IRAG2: variants seen among roughly 807,000 people sequenced by gnomAD.
IRAG2 encodes the protein inositol 1,4,5-triphosphate receptor associated 2, also known as lymphoid restricted membrane protein.
In IRAG2, 45 loss-of-function variants were observed where a neutral mutation model predicts 69.9. The ratio of observed to expected loss-of-function variants is 0.64; its 90% CI spans 0.51 to 0.83. The LOEUF (loss-of-function observed/expected upper bound fraction) is 0.83. Among genes scored for constraint, IRAG2 ranks in the 40% least tolerant of loss-of-function variants. IRAG2 has a pLI of 0.00. For missense variants in IRAG2, 520 were observed against 587.0 expected, an observed-to-expected ratio of 0.89 and a Z score of 1.18; for synonymous variants, 193 against 202.4, an observed-to-expected ratio of 0.95 and a Z score of 0.40.
chr12:25,050,226 G>A (rs1235334100), upstream of IRAG2, among the ~76,000 whole-genome samples: 2 of 151,732 alleles, frequency 1.3e-5, no homozygotes, highest in African/African-American at 2.4e-5. Flanking sequence ...AGTGGTGCAG[G>A]CACTATAGAA....
chr12:25,102,846 G>T (rs1474875650), intron 17 of IRAG2: 3 of 152,220 alleles, frequency 2.0e-5, no homozygotes, highest in African/African-American at 7.2e-5. Flanking sequence ...ATGTGATACT[G>T]AAGGTCAACT....
intron 10 of IRAG2, among the ~76,000 whole-genome samples, chr12:25,087,666 CCAGT>C (rs1947724804): frequency 1.3e-5 from 2 of 152,172 alleles, no homozygotes; most frequent in Admixed American, 1.3e-4. Context: ...GCAGGGGTCC[CCAGT>C]CGCTGCTGAG....
At chr12:25,106,344 CATACAT>C (rs1347078125) in intron 20 of IRAG2, among the ~76,000 whole-genome samples, 3 of 96,554 alleles carry the variant, frequency 3.1e-5, no homozygotes, top group Non-Finnish European at 2.5e-5. Flanking sequence ...ACAACATATA[CATACAT>C]ATTTTTATAT....
At chr12:25,085,342 T>G (rs758421383) in intron 10 of IRAG2, among the ~76,000 whole-genome samples, 117 of 116,364 alleles carry the variant, frequency 1.0e-3, no homozygotes, top group African/African-American at 1.4e-3. Context: ...AGTGGGAAGG[T>G]GGTATGGAAT....
At chr12:25,099,559 T>C (rs117725136) in intron 15 of IRAG2, among the ~76,000 whole-genome samples, 1 of 152,292 alleles carries the variant, frequency 6.6e-6, no homozygotes, top group East Asian at 1.9e-4. Context: ...CCTGCTTCCA[T>C]CCAATTCCAA....
chr12:25,015,370 A>T (rs553078545), exon 5 of IRAG2: 3 of 1,232,016 alleles, frequency 2.4e-6, no homozygotes, highest in East Asian at 6.3e-5. Flanking sequence ...CACAGATATA[A>T]CAGATTCTAC....
intron 1 of IRAG2, among the ~76,000 whole-genome samples, chr12:25,054,267 T>C (rs760950369): frequency 6.6e-6 from 1 of 152,180 alleles, no homozygotes; most frequent in Non-Finnish European, 1.5e-5. Flanking sequence ...TGGAGAAGGT[T>C]CCCTTGTGAT....
At chr12:25,036,349 G>T (rs976620975) in intron 14 of IRAG2, among the ~76,000 whole-genome samples, 1 of 152,158 alleles carries the variant, frequency 6.6e-6, no homozygotes, top group Non-Finnish European at 1.5e-5. Flanking sequence ...GATGGGGTTT[G>T]TTCTGGAAAA....
intron 2 of IRAG2, among the ~76,000 whole-genome samples, chr12:25,006,988 T>C (rs749126802): frequency 3.4e-4 from 52 of 152,236 alleles, no homozygotes; most frequent in Admixed American, 2.1e-3. Flanking sequence ...CCTGTTTCCC[T>C]GAGTAACCAT....
upstream of IRAG2, chr12:25,052,551 T>C (rs2139882491): frequency 2.5e-6 from 1 of 397,158 alleles, no homozygotes; most frequent in Non-Finnish European, 4.4e-6. Context: ...AACAGCCTGC[T>C]GATGAAAGAG....
chr12:25,045,075 G>A (rs753172979), intron 16 of IRAG2, among the ~76,000 whole-genome samples: 1 of 152,022 alleles, frequency 6.6e-6, no homozygotes, highest in Admixed American at 6.5e-5. Flanking sequence ...CTACCATAAT[G>A]GAATAAAACT....
upstream of IRAG2, among the ~76,000 whole-genome samples, chr12:25,048,917 C>T (rs992236548): frequency 3.6e-4 from 55 of 152,128 alleles, no homozygotes; most frequent in African/African-American, 1.2e-3. Flanking sequence ...AGTCTTTAAT[C>T]TATATTGAGT....
upstream of IRAG2, among the ~76,000 whole-genome samples, chr12:24,999,525 A>C (rs1406705613): frequency 6.6e-6 from 1 of 152,256 alleles, no homozygotes; most frequent in Non-Finnish European, 1.5e-5. Flanking sequence ...TAGCAACATA[A>C]GCAGTATCGA....
intron 14 of IRAG2, chr12:25,091,169 C>G (rs1948030989): frequency 5.8e-6 from 1 of 171,754 alleles, no homozygotes; most frequent in Admixed American, 6.3e-5. Flanking sequence ...AATTTATCAT[C>G]TTGAACATCT....
chr12:25,002,414 T>G (rs904449931), upstream of IRAG2, among the ~76,000 whole-genome samples: 1 of 152,168 alleles, frequency 6.6e-6, no homozygotes, highest in African/African-American at 2.4e-5. Context: ...ATCATAGTTT[T>G]GAGTACAAGA....
intron 7 of IRAG2, among the ~76,000 whole-genome samples, chr12:25,021,828 A>G (rs181819333): frequency 6.6e-6 from 1 of 152,328 alleles, no homozygotes; most frequent in Non-Finnish European, 1.5e-5. Context: ...CAAACAAAAT[A>G]ACTTTGTTTA....
Position 25,089,663 on chromosome 12 carries a change from T to C in IRAG2, c.423T>C (p.Leu141=). 1 of 1,606,088 alleles carries C rather than the reference T, an allele frequency of 6.2e-7. No individual in the cohort carries two copies. Among genetic ancestry groups the C allele is most frequent in the Non-Finnish European group, 8.5e-7 (1 of 1,172,908 alleles). ...TAACCACTGTGAAATCGGTTAACCT[T>C]AGACAAAGTGAGAAGTAAGTGCTTC... ...LPVTTVKSVN[L]RQSENTSANE... is the part of the protein sequence containing the mutation. The change falls in exon 12 of 22, where the codon CTT becomes CTC. Residue 141 remains leucine, a synonymous_variant. Coordinates refer to ENST00000556887, the MANE Select transcript of IRAG2 (RefSeq NM_001366544.2).
At chr12:25,075,207 T>C (rs947205489) in intron 6 of IRAG2, among the ~76,000 whole-genome samples, 2 of 152,220 alleles carry the variant, frequency 1.3e-5, no homozygotes, top group Non-Finnish European at 2.9e-5. Context: ...TTTTGGAACA[T>C]TTAAACAGAC....
At chr12:25,068,803 G>A (rs2140020194) in intron 5 of IRAG2, among the ~76,000 whole-genome samples, 1 of 152,250 alleles carries the variant, frequency 6.6e-6, no homozygotes, top group East Asian at 1.9e-4. Context: ...TAGCACCTCT[G>A]TCTACAAGGA....
Sources: allele counts gnomAD v4.1 joint callset (sites outside exome capture counted in the v4.1 genomes callset), GRCh38; gene constraint gnomAD v4.1.1; transcripts MANE v1.5; gene names NCBI Gene and HGNC (gene_info 2026-07-23, HGNC 2026-07-21).